Variants in RGS6 observed in about 807,000 individuals in gnomAD.
The protein encoded by RGS6 is regulator of G-protein signaling 6.
In RGS6, 30 loss-of-function variants were observed where a neutral mutation model predicts 78.5. That is an observed-to-expected ratio of 0.38 (90% CI 0.29 to 0.52). The LOEUF is 0.52. RGS6 is among the 20% of genes least tolerant of loss of function. The pLI is 0.85. For missense variants in RGS6, 495 were observed against 609.7 expected, an observed-to-expected ratio of 0.81 and a Z score of 1.98; for synonymous variants, 206 against 206.0, an observed-to-expected ratio of 1.00 and a Z score of 0.00.
chr14:71,947,415 C>T (rs2091689933), intron 1 of RGS6, among the ~76,000 whole-genome samples: 1 of 152,162 alleles, frequency 6.6e-6, no homozygotes, highest in African/African-American at 2.4e-5. Flanking sequence ...AAAATCACTT[C>T]CGCTGCCTGC....
At chr14:71,956,171 C>T (rs1483312524) in intron 1 of RGS6, among the ~76,000 whole-genome samples, 4 of 151,974 alleles carry the variant, frequency 2.6e-5, no homozygotes, top group Admixed American at 2.0e-4. Context: ...AGCTAGTCAG[C>T]CTGGTTGTGT....
At chr14:72,571,358 A>G (rs10149595), downstream of RGS6, among the ~76,000 whole-genome samples, 289 of 152,198 alleles carry the variant, frequency 1.9e-3, 2 homozygotes, top group African/African-American at 6.1e-3. Context: ...CTGACGCCAC[A>G]CCCAGCCTTG....
intron 2 of RGS6, among the ~76,000 whole-genome samples, chr14:72,269,115 C>T (rs1424514881): frequency 7.6e-6 from 1 of 131,554 alleles, no homozygotes; most frequent in African/African-American, 2.9e-5. Context: ...GTAAGATATA[C>T]CCAGAATCTA....
chr14:72,145,172 TC>T (rs1244899451), intron 2 of RGS6, among the ~76,000 whole-genome samples: 3 of 152,112 alleles, frequency 2.0e-5, no homozygotes, highest in African/African-American at 7.2e-5. Flanking sequence ...AGTGATGTTA[TC>T]CCCAGGAGCA....
chr14:72,051,939 GTCTA>G (rs1403376212), intron 2 of RGS6, among the ~76,000 whole-genome samples: 1 of 151,966 alleles, frequency 6.6e-6, no homozygotes, highest in Non-Finnish European at 1.5e-5. Context: ...ATAGATTCTA[GTCTA>G]TCTAAGAAAT....
At chr14:72,351,234 A>C (rs925501471) in intron 2 of RGS6, among the ~76,000 whole-genome samples, 1 of 152,142 alleles carries the variant, frequency 6.6e-6, no homozygotes, top group African/African-American at 2.4e-5. Context: ...CCCTTCCCCA[A>C]ACAAAAAGAT....
intron 2 of RGS6, among the ~76,000 whole-genome samples, chr14:72,153,924 A>G (rs2096731776): frequency 6.6e-6 from 1 of 152,074 alleles, no homozygotes; most frequent in African/African-American, 2.4e-5. Flanking sequence ...TCTGACCAAA[A>G]ATTTACCAGG....
chr14:72,525,717 G>T (rs147111437), intron 15 of RGS6, among the ~76,000 whole-genome samples: 1 of 152,142 alleles, frequency 6.6e-6, no homozygotes, highest in Non-Finnish European at 1.5e-5. Context: ...TGGAGGTGGC[G>T]GCATTGCGTG....
chr14:71,873,717 A>T, the RGS6 span, among the ~76,000 whole-genome samples: 640 of 152,302 alleles, frequency 4.2e-3, 2 homozygotes, highest in Admixed American at 6.6e-3. Context: ...GTCCTTGCCC[A>T]TGCCTATGTC....
At chr14:72,217,382 G>T (rs12883593) in intron 2 of RGS6, among the ~76,000 whole-genome samples, 51,179 of 152,080 alleles carry the variant, frequency 0.34, 10,736 homozygotes, top group Non-Finnish European at 0.46. Context: ...TGTCATCACA[G>T]AGCTGGGATT....
rs115722412 is a variant in RGS6 at position 72,040,807 on chromosome 14, T to C, written c.84+75932T>C. Among the ~76,000 whole-genome samples the C allele has an allele frequency of 2.1e-3, 314 of 152,300 alleles. 1 individual carries two copies. Among genetic ancestry groups the C allele is most frequent in the African/African-American group, 7.2e-3 (301 of 41,590 alleles). On this transcript the variant is annotated intron_variant, in intron 2 of 17. Coordinates refer to ENST00000553525, the MANE Select transcript of RGS6 (RefSeq NM_001204424.2). ...ACTAGAAAATTTCAAATGACCTATCTTCAAATTCATTGATTCTGTTTTGCT... is the reference window on the plus strand; with the variant it reads ...ACTAGAAAATTTCAAATGACCTATCCTCAAATTCATTGATTCTGTTTTGCT...
intron 12 of RGS6, among the ~76,000 whole-genome samples, chr14:72,493,975 C>T (rs2096611704): frequency 6.6e-6 from 1 of 152,098 alleles, no homozygotes; most frequent in African/African-American, 2.4e-5. Flanking sequence ...GACATGGAAT[C>T]CAGGAAACAT....
rs557314516 is a variant in RGS6, at chr14:71,991,441, G to A, written c.84+26566G>A. On this transcript the variant is annotated intron_variant, in intron 2 of 17. Coordinates refer to ENST00000553525, the MANE Select transcript of RGS6 (RefSeq NM_001204424.2). ...TCTCACCAATGAAAAATACCTTTCCGTTCTGTTTTTACCATTAAATGTGGT... is the reference window on the plus strand; with the variant it reads ...TCTCACCAATGAAAAATACCTTTCCATTCTGTTTTTACCATTAAATGTGGT... Among the ~76,000 whole-genome samples, 156 of 152,148 alleles carry A rather than the reference G, an allele frequency of 1.0e-3. 1 individual carries two copies. The highest frequency in any genetic ancestry group is 0.01 in the Middle Eastern group (3 of 294).
chr14:72,320,995 G>A (rs1336741824), intron 2 of RGS6, among the ~76,000 whole-genome samples: 1 of 150,504 alleles, frequency 6.6e-6, no homozygotes, highest in Non-Finnish European at 1.5e-5. Context: ...ATATATGTTA[G>A]TTTGAAATAT....
At chr14:72,135,700 G>A (rs1385104076) in intron 2 of RGS6, among the ~76,000 whole-genome samples, 1 of 151,970 alleles carries the variant, frequency 6.6e-6, no homozygotes, top group Non-Finnish European at 1.5e-5. Flanking sequence ...GGTGACTGTA[G>A]TGATATTGAT....
At chr14:72,553,400 C>A (rs1411817009) in intron 17 of RGS6, 3 of 152,644 alleles carry the variant, frequency 2.0e-5, no homozygotes, top group Non-Finnish European at 4.4e-5. Context: ...CTGTGGAATC[C>A]TTCTGCACAG....
At chr14:72,476,406 G>C (rs974827972) in intron 10 of RGS6, among the ~76,000 whole-genome samples, 4 of 152,156 alleles carry the variant, frequency 2.6e-5, no homozygotes, top group Non-Finnish European at 5.9e-5. Flanking sequence ...AGTAAGTCCA[G>C]GGGGCGAGGG....
intron 2 of RGS6, among the ~76,000 whole-genome samples, chr14:72,302,874 G>A (rs560616469): frequency 1.4e-4 from 21 of 152,322 alleles, no homozygotes; most frequent in Middle Eastern, 3.4e-3. Flanking sequence ...AATCATGGGG[G>A]TGGATTTTTC....
rs905687885 is a variant in RGS6, at chr14:72,096,494, C to G, written c.84+131619C>G. On this transcript the variant is annotated intron_variant, in intron 2 of 17. Coordinates refer to ENST00000553525, the MANE Select transcript of RGS6 (RefSeq NM_001204424.2). ...ATCATGTACACAGGTGGAAAAGACT[C>G]TTCTTTGATTTCATATTTTTCTTTT... 2.6e-5 allele frequency among the ~76,000 whole-genome samples: 4 copies of G among 152,120 alleles called. No homozygotes were observed. In the East Asian group the frequency reaches 7.7e-4, roughly 29 times the overall value.
Sources: allele counts gnomAD v4.1 joint callset (sites outside exome capture counted in the v4.1 genomes callset), GRCh38; gene constraint gnomAD v4.1.1; transcripts MANE v1.5; gene names NCBI Gene and HGNC (gene_info 2026-07-23, HGNC 2026-07-21).